ARHGAP42: variants seen among roughly 807,000 people sequenced by gnomAD.
ARHGAP42 encodes Rho GTPase activating protein 42.
Under a neutral mutation model 125.0 loss-of-function variants are expected in ARHGAP42, and 63 were observed. That is an observed-to-expected ratio of 0.50 (90% CI 0.41 to 0.62). The LOEUF (loss-of-function observed/expected upper bound fraction) is 0.62, where lower values mean the gene tolerates loss of function less well. Ranked by LOEUF, ARHGAP42 falls within the 20% of genes least tolerant of loss-of-function variation. The pLI is 0.00. For missense variants in ARHGAP42, 766 were observed against 1,024.2 expected (o/e 0.75, Z 3.44); for synonymous variants, 339 against 351.0 (o/e 0.97, Z 0.38).
intron 1 of ARHGAP42, among the ~76,000 whole-genome samples, chr11:100,706,142 G>C (rs1861480168): frequency 6.6e-6 from 1 of 152,120 alleles, no homozygotes; most frequent in Admixed American, 6.6e-5. Flanking sequence ...ACCACGCCCA[G>C]AGTTAGCTGA....
chr11:100,745,211 C>T (rs998913278), intron 1 of ARHGAP42, among the ~76,000 whole-genome samples: 1 of 152,214 alleles, frequency 6.6e-6, no homozygotes, highest in Admixed American at 6.5e-5. Flanking sequence ...AAGAATTGAA[C>T]ATACTCACAT....
At position 100,687,413 on chromosome 11, in the gene ARHGAP42, A is replaced by T. The variant is rs1323962277; in HGVS notation, c.-266A>T. Among the ~76,000 whole-genome samples, 1 of 151,836 alleles carries T rather than the reference A, an allele frequency of 6.6e-6. No homozygotes were observed. Among genetic ancestry groups the T allele is most frequent in the Non-Finnish European group, 1.5e-5 (1 of 67,916 alleles). On this transcript the variant is annotated 5_prime_UTR_variant, in exon 1 of 24. The change abolishes an upstream ATG in the 5' untranslated region. Transcript: ENST00000298815. ...CGCCGCCCCCGCGTTCCGAACGACG[A>T]TGCGTCCAGATGACAACAACCTGAG... is the stretch of plus-strand genomic sequence containing the variant.
intron 16 of ARHGAP42, among the ~76,000 whole-genome samples, chr11:100,964,780 T>G (rs1360929380): frequency 1.3e-5 from 2 of 152,210 alleles, no homozygotes; most frequent in African/African-American, 4.8e-5. Flanking sequence ...AAAAATCTGT[T>G]GGGCTTGTGT....
intron 1 of ARHGAP42, among the ~76,000 whole-genome samples, chr11:100,746,301 C>T (rs956932111): frequency 4.6e-5 from 7 of 152,128 alleles, no homozygotes; most frequent in South Asian, 2.1e-4. Context: ...GGATGGCCCT[C>T]GGGGTCTGAC....
intron 3 of ARHGAP42, among the ~76,000 whole-genome samples, chr11:100,851,604 A>T (rs61890804): frequency 0.034 from 5,134 of 152,232 alleles, 180 homozygotes; most frequent in East Asian, 0.18. Context: ...TATACTTTTG[A>T]TCATTATTTT....
chr11:100,864,428 C>T (rs1214956901), intron 4 of ARHGAP42, among the ~76,000 whole-genome samples: 4 of 152,098 alleles, frequency 2.6e-5, no homozygotes, highest in East Asian at 1.9e-4. Flanking sequence ...GTGATCCGCC[C>T]GCCTCAGCCT....
At chr11:100,818,702 G>A (rs748385512) in intron 3 of ARHGAP42, among the ~76,000 whole-genome samples, 1 of 152,098 alleles carries the variant, frequency 6.6e-6, no homozygotes, top group African/African-American at 2.4e-5. Flanking sequence ...GCAGTGAAAG[G>A]CATACTGGTA....
At chr11:100,896,274 T>G (rs912169063) in intron 4 of ARHGAP42, among the ~76,000 whole-genome samples, 1 of 152,186 alleles carries the variant, frequency 6.6e-6, no homozygotes, top group Admixed American at 6.5e-5. Flanking sequence ...CCAAGTCTTT[T>G]CTATTGTGAA....
intron 2 of ARHGAP42, among the ~76,000 whole-genome samples, chr11:100,786,460 T>C (rs570465588): frequency 7.9e-5 from 12 of 152,326 alleles, no homozygotes; most frequent in African/African-American, 2.2e-4. Flanking sequence ...GTTGTCCTTT[T>C]TGCATTTGCA....
chr11:100,818,489 G>T lies in ARHGAP42; in HGVS notation c.312+23323G>T, dbSNP rs189222924. 7.4e-4 allele frequency among the ~76,000 whole-genome samples: 112 copies of T among 152,248 alleles called. 2 individuals are homozygous for T. The East Asian group carries it at 0.019, about 25-fold the overall frequency. ...AGGAATTTGGAAAGACTTAGTGGAGGATATAGCCTCTGCTATCAGCTCTGA... is the reference window on the plus strand; with the variant it reads ...AGGAATTTGGAAAGACTTAGTGGAGTATATAGCCTCTGCTATCAGCTCTGA... On this transcript the variant is annotated intron_variant, in intron 3 of 23. Coordinates refer to ENST00000298815, the MANE Select transcript of ARHGAP42 (RefSeq NM_152432.4).
At chr11:100,773,538 T>G (rs1863032146) in intron 2 of ARHGAP42, among the ~76,000 whole-genome samples, 1 of 152,232 alleles carries the variant, frequency 6.6e-6, no homozygotes, top group Non-Finnish European at 1.5e-5. Context: ...AACATCTTTC[T>G]GTATGTTTCC....
intron 2 of ARHGAP42, among the ~76,000 whole-genome samples, chr11:100,774,854 T>C (rs1053018573): frequency 3.9e-5 from 6 of 152,224 alleles, no homozygotes; most frequent in African/African-American, 7.2e-5. Context: ...TCCACCCTTT[T>C]GGCCTGTGCT....
intron 4 of ARHGAP42, among the ~76,000 whole-genome samples, chr11:100,878,903 A>G (rs1379111077): frequency 9.9e-5 from 15 of 151,918 alleles, no homozygotes; most frequent in Non-Finnish European, 1.5e-5. Flanking sequence ...ATATGTATAT[A>G]GTATATAAAA....
chr11:100,690,927 T>C (rs1368520489), intron 1 of ARHGAP42, among the ~76,000 whole-genome samples: 1 of 152,172 alleles, frequency 6.6e-6, no homozygotes, highest in East Asian at 1.9e-4. Context: ...TTCAGATTCA[T>C]GTCCACTTGG....
At chr11:100,859,423 G>T in intron 3 of ARHGAP42, 131 bp from the exon 4 acceptor site, 1 of 670,400 alleles carries the variant, frequency 1.5e-6, no homozygotes, top group Non-Finnish European at 2.5e-6. Context: ...TATATAACAT[G>T]TAAGTTGTTT....
At chr11:100,912,449 A>G (rs629677) in intron 4 of ARHGAP42, among the ~76,000 whole-genome samples, 135,000 of 152,122 alleles carry the variant, frequency 0.89, 59,982 homozygotes, top group East Asian at 1. Flanking sequence ...AGGAATCTGC[A>G]GTCTGAACAT....
chr11:100,946,774 A>T (rs183824204), intron 10 of ARHGAP42, among the ~76,000 whole-genome samples: 13 of 152,204 alleles, frequency 8.5e-5, no homozygotes, highest in African/African-American at 2.9e-4. Flanking sequence ...ATAACAATGA[A>T]AAATTCCAAA....
In ARHGAP42 at chr11:100,796,941, G is replaced by T. The variant is rs149410776; in HGVS notation, c.312+1775G>T. On this transcript the variant is annotated intron_variant, in intron 3 of 23. Coordinates refer to ENST00000298815, the MANE Select transcript of ARHGAP42 (RefSeq NM_152432.4). Reference sequence around the variant, plus strand: ...CACCCCACCCACCTGGCTAATTATTGTATTTTTAGTAGAGATGGGATTTCA... The same window carrying T: ...CACCCCACCCACCTGGCTAATTATTTTATTTTTAGTAGAGATGGGATTTCA... Among the ~76,000 whole-genome samples the T allele has an allele frequency of 3.9e-3, 598 of 152,012 alleles. 3 individuals carry two copies. The highest frequency in any genetic ancestry group is 0.014 in the African/African-American group (579 of 41,472).
In ARHGAP42 at chr11:100,835,794, A is replaced by G. The variant is rs571875555; in HGVS notation, c.313-23760A>G. Among the ~76,000 whole-genome samples the G allele has an allele frequency of 6.6e-5, 10 of 152,098 alleles. 1 individual carries two copies. In the South Asian group the frequency reaches 1.9e-3, roughly 28 times the overall value. Reference sequence around the variant, plus strand: ...TATATTCCATTGGATCCCCCCTTATACAATTGGTAATTGTTCTTTCCAGAA... The same window carrying G: ...TATATTCCATTGGATCCCCCCTTATGCAATTGGTAATTGTTCTTTCCAGAA... On this transcript the variant is annotated intron_variant, in intron 3 of 23. Transcript: ENST00000298815.
Sources: gnomAD v4.1 joint callset for allele counts (sites outside exome capture counted in the v4.1 genomes callset) on GRCh38, gnomAD v4.1.1 for gene constraint, MANE v1.5 for transcripts, NCBI Gene and HGNC (gene_info 2026-07-23, HGNC 2026-07-21) for gene names.